Variants in DMD observed in about 807,000 individuals in gnomAD.
DMD encodes the protein mutant dystrophin.
DMD carries 63 observed loss-of-function variants against 330.1 expected under a neutral mutation model. The ratio of observed to expected loss-of-function variants is 0.19; its 90% CI spans 0.16 to 0.24. DMD has a LOEUF of 0.24. Ranked by LOEUF, DMD falls within the 10% of genes least tolerant of loss-of-function variation. The pLI is 1.00. For missense variants in DMD, 3,344 were observed against 2,684.1 expected, an observed-to-expected ratio of 1.25 and a Z score of -5.43; for synonymous variants, 1,223 against 959.8, an observed-to-expected ratio of 1.27 and a Z score of -5.07.
At chrX:32,406,814 A>C (rs1427947034) in intron 30 of DMD, among the ~76,000 whole-genome samples, 2 of 111,653 alleles carry the variant, frequency 1.8e-5, no homozygotes, top group East Asian at 5.6e-4. Context: ...CCTCATAAAT[A>C]ATGCCACATA....
At chrX:31,676,091 A>C (rs1321270021) in intron 53 of DMD, among the ~76,000 whole-genome samples, 1 of 112,127 alleles carries the variant, frequency 8.9e-6, no homozygotes, top group East Asian at 2.8e-4. Flanking sequence ...GCTGCAAAGG[A>C]GGCTGGCTGC....
chrX:32,516,942 T>C (rs982016516), intron 18 of DMD: 1 of 111,997 alleles, frequency 8.9e-6, no homozygotes, highest in Admixed American at 9.5e-5. Flanking sequence ...TTCCAATTTA[T>C]AAGTAGTTAA....
At chrX:31,271,647 C>T (rs1199102508) in intron 62 of DMD, among the ~76,000 whole-genome samples, 2 of 111,718 alleles carry the variant, frequency 1.8e-5, no homozygotes, top group African/African-American at 6.5e-5. Context: ...GTATAACCTG[C>T]ATCACTTTAT....
chrX:31,775,663 C>G (rs1477893315), intron 50 of DMD, among the ~76,000 whole-genome samples: 1 of 111,134 alleles, frequency 9.0e-6, no homozygotes, highest in African/African-American at 3.3e-5. Context: ...CACTGGACAA[C>G]CAGTGAACGA....
chrX:31,536,383 C>T (rs1162086255), intron 55 of DMD, among the ~76,000 whole-genome samples: 1 of 111,066 alleles, frequency 9.0e-6, no homozygotes, highest in Non-Finnish European at 1.9e-5. Flanking sequence ...GGTGAGAAAA[C>T]AGAAGGAAAA....
chrX:33,009,336 A>G (rs1424106488), intron 2 of DMD, among the ~76,000 whole-genome samples: 3 of 47,882 alleles, frequency 6.3e-5, no homozygotes, highest in Non-Finnish European at 1.2e-4. Context: ...ATGTGTATAT[A>G]CACGTGTATA....
Position 32,145,030 on chromosome X carries a change from G to A in DMD, c.6438+71886C>T, listed in dbSNP as rs151059785. 8.4e-3 allele frequency among the ~76,000 whole-genome samples: 936 copies of A among 111,687 alleles called. 9 individuals are homozygous for A. The highest frequency in any genetic ancestry group is 0.038 in the South Asian group (102 of 2,652). On this transcript the variant is annotated intron_variant, in intron 44 of 78. Transcript: ENST00000357033. ...GCCTGGGCAACAAGAGTGAAACACCGTCTCAATGAATCAGTCAATCAATCA... is the reference window on the plus strand; with the variant it reads ...GCCTGGGCAACAAGAGTGAAACACCATCTCAATGAATCAGTCAATCAATCA...
At chrX:31,914,828 C>G (rs1355338025) in intron 47 of DMD, among the ~76,000 whole-genome samples, 1 of 111,918 alleles carries the variant, frequency 8.9e-6, no homozygotes, top group African/African-American at 3.2e-5. Context: ...TTCGATAGCA[C>G]AACAGGGTGA....
intron 2 of DMD, among the ~76,000 whole-genome samples, chrX:32,870,996 A>T (rs1260166227): frequency 1.9e-5 from 2 of 104,590 alleles, no homozygotes; most frequent in Non-Finnish European, 3.9e-5. Context: ...AAACCACAAA[A>T]CCCATCATCA....
At chrX:32,632,041 C>A (rs6527206) in intron 11 of DMD, among the ~76,000 whole-genome samples, 5,069 of 111,744 alleles carry the variant, frequency 0.045, 179 homozygotes, top group African/African-American at 0.11. Context: ...TAAGTTTCTT[C>A]TACCTATGAG....
At chrX:32,668,561 C>CA (rs982554382) in intron 9 of DMD, among the ~76,000 whole-genome samples, 7 of 112,035 alleles carry the variant, frequency 6.2e-5, no homozygotes, top group African/African-American at 1.9e-4. Flanking sequence ...CATCAGGAGA[C>CA]AGAGTCCTAC....
intron 47 of DMD, among the ~76,000 whole-genome samples, chrX:31,898,269 T>G (rs2094373753): frequency 9.1e-6 from 1 of 110,155 alleles, no homozygotes; most frequent in South Asian, 4.0e-4. Flanking sequence ...AAAAAACTAC[T>G]TTAAAGTTCA....
At chrX:32,140,315 T>C (rs1049338289) in intron 44 of DMD, among the ~76,000 whole-genome samples, 30 of 111,809 alleles carry the variant, frequency 2.7e-4, no homozygotes, top group African/African-American at 9.1e-4. Flanking sequence ...TTTTAAATGG[T>C]CTAGCCACAT....
At chrX:31,186,889 G>A (rs2041827327) in intron 67 of DMD, among the ~76,000 whole-genome samples, 1 of 112,488 alleles carries the variant, frequency 8.9e-6, no homozygotes, top group Non-Finnish European at 1.9e-5. Flanking sequence ...TGTGCTTACA[G>A]CCACTACACC....
intron 77 of DMD, 72 bp from the exon 78 acceptor site, chrX:31,126,745 C>T: frequency 1.5e-6 from 1 of 681,002 alleles, no homozygotes; most frequent in Non-Finnish European, 2.2e-6. Context: ...TATACAATTT[C>T]ATACCAATTT....
intron 4 of DMD, among the ~76,000 whole-genome samples, chrX:32,825,903 T>A (rs770845684): frequency 9.0e-6 from 1 of 111,579 alleles, no homozygotes; most frequent in South Asian, 3.8e-4. Context: ...TGAATTCAAC[T>A]TGGGATGATG....
At chrX:32,566,667 C>G (rs2051751078) in intron 15 of DMD, among the ~76,000 whole-genome samples, 1 of 111,831 alleles carries the variant, frequency 8.9e-6, no homozygotes, top group Non-Finnish European at 1.9e-5. Context: ...TTCCTGTGAG[C>G]TGTGGAGGGT....
chrX:31,820,213 G>T, intron 49 of DMD, 130 bp from the exon 50 acceptor site: 1 of 561,245 alleles, frequency 1.8e-6, no homozygotes, highest in South Asian at 3.1e-5. Context: ...AACTTTAGTG[G>T]GTAGAATTTC....
At chrX:32,838,985 T>C (rs192629555) in intron 4 of DMD, among the ~76,000 whole-genome samples, 3 of 112,224 alleles carry the variant, frequency 2.7e-5, no homozygotes, top group Admixed American at 1.9e-4. Flanking sequence ...CATCTGTTCA[T>C]TGTGGCACTA....
Sources: allele counts gnomAD v4.1 joint callset (sites outside exome capture counted in the v4.1 genomes callset), GRCh38; gene constraint gnomAD v4.1.1; transcripts MANE v1.5; gene names NCBI Gene and HGNC (gene_info 2026-07-23, HGNC 2026-07-21).